Variants in DHCR24 observed in about 807,000 individuals in gnomAD.
DHCR24 encodes the protein delta(24)-sterol reductase.
Under a neutral mutation model 61.2 loss-of-function variants are expected in DHCR24, and 28 were observed. The ratio of observed to expected loss-of-function variants is 0.46; its 90% confidence interval spans 0.34 to 0.63. DHCR24 has a LOEUF of 0.63. Among genes scored for constraint, DHCR24 ranks in the 20% least tolerant of loss-of-function variants. The pLI is 0.01. For synonymous variants in DHCR24, 261 were observed against 275.9 expected, an observed-to-expected ratio of 0.95 and a Z score of 0.54; for missense variants, 538 against 679.1, an observed-to-expected ratio of 0.79 and a Z score of 2.31.
At chr1:54,855,878 G>A (rs2278192) in intron 6 of DHCR24, among the ~76,000 whole-genome samples, 100,459 of 152,042 alleles carry the variant, frequency 0.66, 33,610 homozygotes, top group South Asian at 0.8. Flanking sequence ...GCCTCCCTGC[G>A]CATTCCTGAC....
intron 4 of DHCR24, among the ~76,000 whole-genome samples, chr1:54,873,487 G>A (rs865814072): frequency 6.6e-6 from 1 of 152,128 alleles, no homozygotes; most frequent in African/African-American, 2.4e-5. Flanking sequence ...ACAGCATCAG[G>A]CAGGTCCTTC....
intron 4 of DHCR24, among the ~76,000 whole-genome samples, chr1:54,874,409 A>T (rs1186978742): frequency 1.3e-5 from 2 of 152,236 alleles, no homozygotes; most frequent in African/African-American, 4.8e-5. Context: ...GTTTAGATAC[A>T]TAAATACCAT....
intron 7 of DHCR24, 146 bp downstream of exon 7, chr1:54,853,891 C>A: frequency 1.1e-6 from 1 of 902,292 alleles, no homozygotes. Context: ...GAGGCCTCAG[C>A]AGACATAGGG....
At chr1:54,864,579 A>C (rs1221079814) in intron 6 of DHCR24, among the ~76,000 whole-genome samples, 1 of 152,184 alleles carries the variant, frequency 6.6e-6, no homozygotes, top group Non-Finnish European at 1.5e-5. Flanking sequence ...TTTCCTTTTC[A>C]GAGATGAAAA....
At chr1:54,865,189 A>G in intron 6 of DHCR24, 114 bp downstream of exon 6, 1 of 1,355,484 alleles carries the variant, frequency 7.4e-7, no homozygotes, top group African/African-American at 1.4e-5. Flanking sequence ...GCAGTTCCTT[A>G]GGACAAAGCC....
At position 54,871,757 on chromosome 1, in the gene DHCR24, C is replaced by T. The variant is rs1647001227; in HGVS notation, c.613-144G>A. 4.9e-6 allele frequency: 6 copies of T among 1,215,488 alleles called. No individual in the cohort carries two copies. The Admixed American group carries it at 9.9e-5, about 20-fold the overall frequency. The allele number at this position is 1,215,488 out of a possible 1,614,324, so 75.3% of individuals were successfully genotyped here. On this transcript the variant is annotated intron_variant, in intron 4 of 8. Transcript: ENST00000371269. ...CAAACAATGAGCTTTACAAACTGTG[C>T]TTGCTGGGCTTTAGTTTCCTCCCTG...
chr1:54,886,026 C>T (rs1466691891), intron 1 of DHCR24, among the ~76,000 whole-genome samples: 1 of 152,120 alleles, frequency 6.6e-6, no homozygotes, highest in Non-Finnish European at 1.5e-5. Context: ...CCTGAAGCAC[C>T]CAGCGCGGAG....
At chr1:54,885,187 G>T (rs1647086078) in intron 1 of DHCR24, among the ~76,000 whole-genome samples, 1 of 152,196 alleles carries the variant, frequency 6.6e-6, no homozygotes, top group Non-Finnish European at 1.5e-5. Context: ...GCCAGGGCAG[G>T]TATTAAGGAA....
rs375033508 is a variant in DHCR24 at position 54,871,340 on chromosome 1, C to T, written c.876+10G>A. ...AGTCTTGGTCAGCAGCAGCTGACAC[C>T]CTGGCTTACCTTGCTGGGCTCTGCC... On this transcript the variant is annotated intron_variant, in intron 5 of 8. Transcript: ENST00000371269. 1 of 1,613,826 alleles carries T rather than the reference C, an allele frequency of 6.2e-7. No individual in the cohort carries two copies.
intron 6 of DHCR24, among the ~76,000 whole-genome samples, chr1:54,854,824 C>T (rs985650900): frequency 1.3e-5 from 2 of 152,170 alleles, no homozygotes; most frequent in African/African-American, 4.8e-5. Flanking sequence ...TCCCCCAATT[C>T]GGTCTCCCTG....
chr1:54,863,235 T>C (rs1646948749), intron 6 of DHCR24, among the ~76,000 whole-genome samples: 1 of 151,968 alleles, frequency 6.6e-6, no homozygotes, highest in Non-Finnish European at 1.5e-5. Context: ...GACAACAGTA[T>C]CTTCTTTCTT....
chr1:54,876,097 C>G (rs777278990), intron 2 of DHCR24, 50 bp from the exon 3 acceptor site: 7 of 1,429,400 alleles, frequency 4.9e-6, no homozygotes, highest in Non-Finnish European at 6.9e-6. Flanking sequence ...CTGCCAGGCC[C>G]AAGGGGAGCT....
chr1:54,885,314 G>A (rs1427684284), intron 1 of DHCR24, among the ~76,000 whole-genome samples: 1 of 152,192 alleles, frequency 6.6e-6, no homozygotes, highest in Non-Finnish European at 1.5e-5. Context: ...AGATGGGAGG[G>A]AGTGATTAGG....
Position 54,854,037 on chromosome 1 carries a change from G to A in DHCR24, c.1218C>T (p.His406=), listed in dbSNP as rs777879250. 5 of 1,611,784 alleles carry A rather than the reference G, an allele frequency of 3.1e-6. No individual in the cohort carries two copies. The highest frequency in any genetic ancestry group is 2.2e-5 in the South Asian group (2 of 90,736). ...GCCCTCCCTGCCCTGCCCCACTCAC[G>A]TGGATGTCGTTTTGGAAGGTGTGCA... ...QALHTFQNDI[H]VYPIWLCPFI... is the part of the protein sequence containing the mutation. Residue 406 remains histidine, a splice_region_variant and synonymous_variant, in exon 7 of 9, where the codon CAC becomes CAT. Transcript: ENST00000371269.
chr1:54,886,917 T>C lies in DHCR24; in HGVS notation c.203A>G (p.Glu68Gly), dbSNP rs767204020. The C allele has an allele frequency of 1.2e-6, 2 of 1,613,222 alleles. No homozygotes were observed. Among genetic ancestry groups the C allele is most frequent in the Non-Finnish European group, 1.7e-6 (2 of 1,179,572 alleles). The change falls in exon 1 of 9, where the codon GAG (glutamate) becomes GGG (glycine). Residue 68 changes from glutamate (E) to glycine (G), a missense_variant. Glu to Gly is a moderately conservative substitution (Grantham distance 98). Coordinates refer to ENST00000371269, the MANE Select transcript of DHCR24 (RefSeq NM_014762.4). ...CTTCTGGATGTCCCGCACGCGCTGC[T>C]CGTGCAGGCGCGGAGCGCTGCTGAG... ...FKLSSAPRLH[E>G]QRVRDIQKQV...
chr1:54,886,487 A>G, intron 1 of DHCR24: 6 of 755,750 alleles, frequency 7.9e-6, no homozygotes, highest in Non-Finnish European at 1.2e-5. Flanking sequence ...GCTTCCCAGC[A>G]TTTGCTCACA....
intron 7 of DHCR24, 32 bp from the exon 8 acceptor site, chr1:54,853,644 T>C (rs1646890662): frequency 1.3e-6 from 2 of 1,598,876 alleles, no homozygotes; most frequent in Non-Finnish European, 1.7e-6. Context: ...GTATTGGTGC[T>C]TTTTCTCCAA....
Position 54,875,989 on chromosome 1 carries a change from A to G in DHCR24, c.446T>C (p.Ile149Thr), listed in dbSNP as rs757830551. 14 of 1,613,832 alleles carry G rather than the reference A, an allele frequency of 8.7e-6. No homozygotes were observed. The African/African-American group carries it at 1.5e-4, about 17-fold the overall frequency. ...MGQVTALLTS[I>T]GWTLPVLPEL... Reference sequence around the variant, plus strand: ...AGGCAACACGGGGAGAGTCCAGCCAATGGAGGTCAGCAGGGCAGTCACCTG... The same window carrying G: ...AGGCAACACGGGGAGAGTCCAGCCAGTGGAGGTCAGCAGGGCAGTCACCTG... The change falls in exon 3 of 9, where the codon ATT (isoleucine) becomes ACT (threonine). Residue 149 changes from isoleucine to threonine, a missense_variant. Physicochemically the swap from Ile to Thr is moderately conservative, Grantham distance 89. Coordinates refer to ENST00000371269, the MANE Select transcript of DHCR24 (RefSeq NM_014762.4).
intron 6 of DHCR24, among the ~76,000 whole-genome samples, chr1:54,860,935 C>A (rs1646933981): frequency 6.6e-6 from 1 of 151,546 alleles, no homozygotes; most frequent in African/African-American, 2.4e-5. Flanking sequence ...TTGCAGTGAG[C>A]CGAGATCCAG....
Sources: gnomAD v4.1 joint callset for allele counts (sites outside exome capture counted in the v4.1 genomes callset) on GRCh38, gnomAD v4.1.1 for gene constraint, MANE v1.5 for transcripts, NCBI Gene and HGNC (gene_info 2026-07-23, HGNC 2026-07-21) for gene names.